Variants in CDC14B observed in about 807,000 individuals in gnomAD.
CDC14B encodes cell division cycle 14B.
In CDC14B, 22 loss-of-function variants were observed where a neutral mutation model predicts 64.2. The observed-to-expected ratio is 0.34, with a 90% CI of 0.24 to 0.49. CDC14B has a LOEUF of 0.49. Among genes scored for constraint, CDC14B ranks in the 20% least tolerant of loss-of-function variants. CDC14B has a pLI of 0.99. For synonymous variants in CDC14B, 191 were observed against 215.8 expected (o/e 0.89, Z 1.01); for missense variants, 498 against 629.9 (o/e 0.79, Z 2.24).
intron 1 of CDC14B, chr9:96,566,867 G>T (rs767671502): frequency 6.3e-7 from 1 of 1,576,806 alleles, no homozygotes; most frequent in Non-Finnish European, 8.6e-7. Flanking sequence ...GCCAGCCGCC[G>T]AGAGGGGAGG....
At chr9:96,540,153 A>C (rs940870464) in intron 6 of CDC14B, among the ~76,000 whole-genome samples, 3 of 152,182 alleles carry the variant, frequency 2.0e-5, no homozygotes, top group African/African-American at 7.2e-5. Context: ...TGAAACAATA[A>C]AAAAAAGTAG....
intron 12 of CDC14B, among the ~76,000 whole-genome samples, chr9:96,511,582 C>T (rs573379583): frequency 1.6e-4 from 24 of 152,252 alleles, no homozygotes; most frequent in Non-Finnish European, 2.9e-5. Context: ...AGAGCATAAC[C>T]TGGAGCTTGT....
At chr9:96,532,681 T>C (rs1838669679) in intron 9 of CDC14B, among the ~76,000 whole-genome samples, 1 of 152,194 alleles carries the variant, frequency 6.6e-6, no homozygotes, top group African/African-American at 2.4e-5. Flanking sequence ...TCAGACTTGC[T>C]AATTCTTTAA....
chr9:96,592,631 A>G (rs1358113415), intron 1 of CDC14B, among the ~76,000 whole-genome samples: 1 of 151,950 alleles, frequency 6.6e-6, no homozygotes, highest in Non-Finnish European at 1.5e-5. Context: ...AAAATTAGTC[A>G]GCATGGTGGT....
chr9:96,597,395 G>A (rs1458144080), intron 1 of CDC14B, among the ~76,000 whole-genome samples: 1 of 151,906 alleles, frequency 6.6e-6, no homozygotes, highest in Non-Finnish European at 1.5e-5. Context: ...TCAGGAGGCT[G>A]AGGCAGGAGA....
chr9:96,594,676 C>T (rs561426705), intron 1 of CDC14B, among the ~76,000 whole-genome samples: 1 of 141,560 alleles, frequency 7.1e-6, no homozygotes, highest in South Asian at 2.3e-4. Flanking sequence ...GAGATTGCGC[C>T]ACTGCACTCC....
rs546998632 is a variant in CDC14B at position 96,600,509 on chromosome 9, G to GT, written c.160+18709dup. On this transcript the variant is annotated intron_variant, in intron 1 of 13. Coordinates refer to ENST00000375241, the MANE Select transcript of CDC14B (RefSeq NM_033331.4). ...GAGAGTATTCTAAATAGAGCTTGTG[G>GT]TTTTTTTTTTTGAGATGGGGTCTAA... Among the ~76,000 whole-genome samples the GT allele has an allele frequency of 5.8e-3, 844 of 145,358 alleles. 6 individuals carry two copies. Among genetic ancestry groups the GT allele is most frequent in the African/African-American group, 0.016 (633 of 40,116 alleles).
Position 96,589,008 on chromosome 9 carries a change from A to G in CDC14B, c.161-23525T>C, listed in dbSNP as rs528494186. On this transcript the variant is annotated intron_variant, in intron 1 of 13. Coordinates refer to ENST00000375241, the MANE Select transcript of CDC14B (RefSeq NM_033331.4). ...AGCAGGAGTTAAATCTTTCTGTAGA[A>G]TGAAATTCATAAAGTATTAAACATT... 1.5e-4 allele frequency among the ~76,000 whole-genome samples: 23 copies of G among 152,326 alleles called. No individual in the cohort carries two copies. In the South Asian group the frequency reaches 4.1e-3, roughly 27 times the overall value.
chr9:96,538,310 G>T (rs1043663110), intron 7 of CDC14B, among the ~76,000 whole-genome samples: 1 of 152,172 alleles, frequency 6.6e-6, no homozygotes, highest in Non-Finnish European at 1.5e-5. Flanking sequence ...TTCCCACTGA[G>T]AATTGGGACA....
rs935159466 is a variant in CDC14B, at chr9:96,538,932, T to A, written c.627+146A>T. The A allele has an allele frequency of 4.9e-6, 3 of 617,668 alleles. No individual in the cohort carries two copies. In the Admixed American group the frequency reaches 9.0e-5, roughly 18 times the overall value. The allele number at this position is 617,668 out of a possible 1,614,324, so 38.3% of individuals were successfully genotyped here. On this transcript the variant is annotated intron_variant, in intron 7 of 13. Coordinates refer to ENST00000375241, the MANE Select transcript of CDC14B (RefSeq NM_033331.4). ...GTGATGAATATGTTAATTAGCTTGATTAGGTAATCATTTCATGGTGTATAC... is the reference window on the plus strand; with the variant it reads ...GTGATGAATATGTTAATTAGCTTGAATAGGTAATCATTTCATGGTGTATAC...
chr9:96,517,958 C>CA (rs1836001801), intron 12 of CDC14B, among the ~76,000 whole-genome samples: 1 of 151,964 alleles, frequency 6.6e-6, no homozygotes, highest in Non-Finnish European at 1.5e-5. Context: ...AGGCATGAGC[C>CA]ACTGTGTCCA....
intron 1 of CDC14B, among the ~76,000 whole-genome samples, chr9:96,609,241 A>G (rs1480112278): frequency 6.6e-6 from 1 of 152,220 alleles, no homozygotes; most frequent in Non-Finnish European, 1.5e-5. Flanking sequence ...CTGGGATTAC[A>G]GACGTGAGCC....
At chr9:96,555,736 G>C (rs1327736767) in intron 4 of CDC14B, among the ~76,000 whole-genome samples, 1 of 152,130 alleles carries the variant, frequency 6.6e-6, no homozygotes, top group Non-Finnish European at 1.5e-5. Flanking sequence ...ACAAACACAC[G>C]CAAATACTGT....
chr9:96,562,896 C>T, intron 3 of CDC14B, 111 bp from the exon 4 acceptor site: 2 of 730,700 alleles, frequency 2.7e-6, no homozygotes, highest in East Asian at 2.5e-5. Context: ...ATATTATTAG[C>T]AAGACCTTTG....
intron 13 of CDC14B, among the ~76,000 whole-genome samples, chr9:96,494,920 T>C (rs868856936): frequency 7.4e-4 from 111 of 150,492 alleles, no homozygotes; most frequent in African/African-American, 2.6e-3. Flanking sequence ...CTGCAAGCTC[T>C]GTCTCCCGGG....
At chr9:96,536,824 T>C (rs1839338229) in intron 7 of CDC14B, among the ~76,000 whole-genome samples, 1 of 152,198 alleles carries the variant, frequency 6.6e-6, no homozygotes, top group Non-Finnish European at 1.5e-5. Flanking sequence ...ACAACTACTC[T>C]GGGCTGAAAA....
At chr9:96,517,257 G>C (rs981726824) in intron 12 of CDC14B, among the ~76,000 whole-genome samples, 4 of 151,564 alleles carry the variant, frequency 2.6e-5, no homozygotes, top group African/African-American at 9.7e-5. Flanking sequence ...CAGGAGAATT[G>C]CTTGAGCTCG....
At chr9:96,561,413 AG>A (rs1843155404) in intron 4 of CDC14B, among the ~76,000 whole-genome samples, 1 of 152,220 alleles carries the variant, frequency 6.6e-6, no homozygotes, top group South Asian at 2.1e-4. Context: ...TGGTCCGGTA[AG>A]GCATGCCAGA....
chr9:96,503,909 T>A, intron 13 of CDC14B, 120 bp from the exon 14 acceptor site: 1 of 723,458 alleles, frequency 1.4e-6, no homozygotes, highest in Non-Finnish European at 2.4e-6. Context: ...ATACGCTTGC[T>A]GTAAGTTTCT....
Sources: gnomAD v4.1 joint callset for allele counts (sites outside exome capture counted in the v4.1 genomes callset) on GRCh38, gnomAD v4.1.1 for gene constraint, MANE v1.5 for transcripts, NCBI Gene and HGNC (gene_info 2026-07-23, HGNC 2026-07-21) for gene names.